Variants in DDX4 observed in about 807,000 individuals in gnomAD.
The protein encoded by DDX4 is DEAD-box helicase 4.
DDX4 carries 25 observed loss-of-function variants against 100.0 expected under a neutral mutation model. That is an observed-to-expected ratio of 0.25 (90% CI 0.18 to 0.35). The LOEUF (loss-of-function observed/expected upper bound fraction) is 0.35. Among genes scored for constraint, DDX4 ranks in the 10% least tolerant of loss-of-function variants. The pLI, the probability that DDX4 is intolerant of heterozygous loss-of-function variation, is 1.00. For missense variants in DDX4, 635 were observed against 882.4 expected, an observed-to-expected ratio of 0.72 and a Z score of 3.55; for synonymous variants, 259 against 275.7, an observed-to-expected ratio of 0.94 and a Z score of 0.60.
chr5:55,814,495 G>A (rs572607116), intron 19 of DDX4, among the ~76,000 whole-genome samples: 1 of 145,538 alleles, frequency 6.9e-6, no homozygotes, highest in Non-Finnish European at 1.5e-5. Flanking sequence ...AATGTTAAAT[G>A]CTGCTATTCT....
intron 2 of DDX4, chr5:55,742,330 G>A (rs1292827329): frequency 9.8e-6 from 4 of 409,628 alleles, no homozygotes; most frequent in African/African-American, 4.0e-5. Flanking sequence ...ATGTAAGCCT[G>A]TATAGTGATC....
chr5:55,745,417 A>G (rs757744688), intron 2 of DDX4, among the ~76,000 whole-genome samples: 16 of 151,780 alleles, frequency 1.1e-4, no homozygotes, highest in Non-Finnish European at 2.2e-4. Context: ...ATATTTTATT[A>G]TATTTTCTTT....
At chr5:55,815,456 T>A in intron 21 of DDX4, 33 bp downstream of exon 21, 2 of 1,587,068 alleles carry the variant, frequency 1.3e-6, no homozygotes, top group Non-Finnish European at 1.7e-6. Context: ...GAACTTGTCT[T>A]CTAGTTACTC....
chr5:55,782,434 C>T (rs1038611033), intron 10 of DDX4: 1 of 157,610 alleles, frequency 6.3e-6, no homozygotes, highest in Non-Finnish European at 1.4e-5. Flanking sequence ...ACCCCCGTCT[C>T]TACTAAAACA....
intron 16 of DDX4, among the ~76,000 whole-genome samples, chr5:55,792,123 CAAAAA>C (rs35635463): frequency 0.11 from 5,776 of 51,910 alleles, 109 homozygotes; most frequent in African/African-American, 0.2. Flanking sequence ...GACTCCTTCT[CAAAAA>C]AAAAAAAAAA....
intron 9 of DDX4, among the ~76,000 whole-genome samples, chr5:55,781,384 G>A (rs898287348): frequency 2.6e-5 from 4 of 152,184 alleles, no homozygotes; most frequent in Non-Finnish European, 5.9e-5. Context: ...TTAACTAGAG[G>A]AATAAAGGAT....
chr5:55,780,201 A>G (rs528955096), intron 8 of DDX4, 136 bp downstream of exon 8: 7 of 1,332,452 alleles, frequency 5.3e-6, no homozygotes, highest in African/African-American at 4.4e-5. Flanking sequence ...CACATTAATC[A>G]CCACATTGTA....
chr5:55,757,563 G>A (rs935819799), intron 3 of DDX4, among the ~76,000 whole-genome samples: 2 of 152,104 alleles, frequency 1.3e-5, no homozygotes, highest in East Asian at 1.9e-4. Context: ...ATAAACATGC[G>A]TTTGCAAGTA....
chr5:55,791,978 G>A (rs1742592315), intron 16 of DDX4, among the ~76,000 whole-genome samples: 1 of 151,866 alleles, frequency 6.6e-6, no homozygotes, highest in Non-Finnish European at 1.5e-5. Flanking sequence ...ACAAAAATTA[G>A]CCAGGCATGG....
chr5:55,789,250 C>T (rs1742412962), intron 15 of DDX4, among the ~76,000 whole-genome samples: 1 of 152,136 alleles, frequency 6.6e-6, no homozygotes, highest in African/African-American at 2.4e-5. Context: ...TAACAAACTC[C>T]CTTAAAACAT....
intron 3 of DDX4, among the ~76,000 whole-genome samples, chr5:55,758,017 C>T (rs930801593): frequency 2.6e-5 from 4 of 152,196 alleles, no homozygotes; most frequent in Non-Finnish European, 5.9e-5. Context: ...TGCACTCCAA[C>T]CTGGGTGACA....
intron 17 of DDX4, among the ~76,000 whole-genome samples, chr5:55,793,300 CTT>C (rs767296775): frequency 3.0e-4 from 46 of 152,134 alleles, no homozygotes; most frequent in Middle Eastern, 3.4e-3. Context: ...AATGGTGACT[CTT>C]TTTCCTGCCA....
Position 55,767,896 on chromosome 5 carries a change from G to A in DDX4, c.350G>A (p.Cys117Tyr), listed in dbSNP as rs777600910. 23 of 1,613,772 alleles carry A rather than the reference G, an allele frequency of 1.4e-5. No individual in the cohort carries two copies. The highest frequency in any genetic ancestry group is 1.9e-5 in the Non-Finnish European group (23 of 1,179,870). The change falls in exon 7 of 22, where the codon TGC becomes TAC. Residue 117 changes from cysteine to tyrosine, a missense_variant. By Grantham distance (194) the Cys-to-Tyr change is radical. Around this residue, in one of 4 missense-constraint regions of DDX4, gnomAD observed 446 missense variants for 540.8 expected, o/e 0.82. Coordinates refer to ENST00000505374, the MANE Select transcript of DDX4 (RefSeq NM_024415.3). ...SGFWRESSNDCEDNPTRNRGF... is the reference protein window; with the variant it reads ...SGFWRESSNDYEDNPTRNRGF... Reference sequence around the variant, plus strand: ...TTTATTGAAGAGTCTAGTAATGACTGCGAAGATAATCCAACACGGAACAGA... The same window carrying A: ...TTTATTGAAGAGTCTAGTAATGACTACGAAGATAATCCAACACGGAACAGA...
At chr5:55,812,932 A>T (rs1034826522) in intron 18 of DDX4, among the ~76,000 whole-genome samples, 5 of 151,750 alleles carry the variant, frequency 3.3e-5, no homozygotes, top group Admixed American at 2.6e-4. Context: ...AAATGAATGA[A>T]GTGAGATTAC....
intron 7 of DDX4, among the ~76,000 whole-genome samples, chr5:55,769,869 C>CTT (rs113402904): frequency 5.9e-4 from 84 of 141,434 alleles, no homozygotes; most frequent in Non-Finnish European, 1.1e-3. Flanking sequence ...CCTTCTTTTA[C>CTT]TTTTTTTTTT....
chr5:55,805,205 A>G (rs1049475437), intron 18 of DDX4, among the ~76,000 whole-genome samples: 9 of 152,160 alleles, frequency 5.9e-5, no homozygotes, highest in African/African-American at 2.2e-4. Flanking sequence ...GTTGCCTATC[A>G]GCTTAAGGAG....
chr5:55,816,434 CTT>C (rs71602915), intron 21 of DDX4, 27 bp from the exon 22 acceptor site: 960 of 1,429,232 alleles, frequency 6.7e-4, no homozygotes, highest in Admixed American at 2.4e-3. Context: ...TTGTTTGTTT[CTT>C]TTTTTTTTTT....
chr5:55,795,243 G>C (rs1466482318), intron 17 of DDX4, among the ~76,000 whole-genome samples: 1 of 152,196 alleles, frequency 6.6e-6, no homozygotes, highest in African/African-American at 2.4e-5. Flanking sequence ...GGGATTGTAA[G>C]CGTGAGCCAC....
chr5:55,746,657 T>C (rs1358451267), intron 3 of DDX4, among the ~76,000 whole-genome samples: 1 of 152,162 alleles, frequency 6.6e-6, no homozygotes, highest in Non-Finnish European at 1.5e-5. Flanking sequence ...AGAAAACTAA[T>C]TTGGGAAAGG....
Sources: allele counts gnomAD v4.1 joint callset (sites outside exome capture counted in the v4.1 genomes callset), GRCh38; gene constraint gnomAD v4.1.1; regional missense constraint gnomAD v4.1.1; transcripts MANE v1.5; gene names NCBI Gene and HGNC (gene_info 2026-07-23, HGNC 2026-07-21).